The following EPHA5 variants were observed in gnomAD, a reference collection of about 807,000 sequenced individuals.
EPHA5 encodes the protein EPH receptor A5, also known as ephrin type-A receptor 5.
A neutral mutation model predicts 105.0 loss-of-function variants in EPHA5; 60 were observed. The observed-to-expected ratio is 0.57, with a 90% CI of 0.46 to 0.71. The LOEUF is 0.71. Ranked by LOEUF, EPHA5 falls within the 30% of genes least tolerant of loss-of-function variation. The pLI is 0.00. For synonymous variants in EPHA5, 513 were observed against 449.1 expected, an observed-to-expected ratio of 1.14 and a Z score of -1.80; for missense variants, 1,218 against 1,274.7, an observed-to-expected ratio of 0.96 and a Z score of 0.68.
chr4:65,343,918 A>T (rs760040105), intron 14 of EPHA5, among the ~76,000 whole-genome samples: 2 of 152,134 alleles, frequency 1.3e-5, no homozygotes, highest in Non-Finnish European at 2.9e-5. Flanking sequence ...TTTTCTAAGT[A>T]ATTTGAAATA....
chr4:65,617,466 C>T (rs1745341230), intron 2 of EPHA5, among the ~76,000 whole-genome samples: 1 of 152,046 alleles, frequency 6.6e-6, no homozygotes, highest in African/African-American at 2.4e-5. Context: ...ATGAAAATGC[C>T]AACAGCGATT....
In EPHA5 at chr4:65,414,433, G is replaced by C; in HGVS notation, c.1538C>G (p.Thr513Ser). ...TTTAGATTTGATAATCGTGTAGCTG[G>C]TCTCTTGGTCCTTGGGATGCGCATG... ...EIKYFEKDQE[T>S]SYTIIKSKET... The change falls in exon 7 of 17, where the codon ACC becomes AGC. Residue 513 changes from threonine to serine, a missense_variant. This residue lies in a region of EPHA5 where 971 missense variants were observed against 1,013.5 expected (regional missense o/e 0.96). Coordinates refer to ENST00000613740, the MANE Select transcript of EPHA5 (RefSeq NM_001281766.3). 6.2e-7 allele frequency: 1 copy of C among 1,613,812 alleles called. No individual in the cohort carries two copies. Among genetic ancestry groups the C allele is most frequent in the Middle Eastern group, 1.7e-4 (1 of 6,056 alleles).
intron 3 of EPHA5, among the ~76,000 whole-genome samples, chr4:65,587,669 C>T (rs976164306): frequency 2.0e-5 from 3 of 152,142 alleles, no homozygotes; most frequent in African/African-American, 7.2e-5. Context: ...AATTATAGGG[C>T]CTCTACTGTC....
intron 2 of EPHA5, among the ~76,000 whole-genome samples, chr4:65,642,418 C>T (rs1416184373): frequency 6.6e-6 from 1 of 151,808 alleles, no homozygotes; most frequent in Non-Finnish European, 1.5e-5. Context: ...CTGGGTTATG[C>T]AATGTTTTTG....
intron 11 of EPHA5, among the ~76,000 whole-genome samples, chr4:65,357,032 G>T (rs917701379): frequency 1.3e-5 from 2 of 151,398 alleles, no homozygotes; most frequent in African/African-American, 4.8e-5. Context: ...AATCACAGGG[G>T]AGAGTTTTTA....
intron 3 of EPHA5, among the ~76,000 whole-genome samples, chr4:65,560,311 A>C (rs1404765555): frequency 6.6e-6 from 1 of 152,142 alleles, no homozygotes; most frequent in East Asian, 1.9e-4. Context: ...CTAGTTTTCT[A>C]TAAAAAATTT....
At chr4:65,429,706 G>A (rs1377362996) in intron 5 of EPHA5, among the ~76,000 whole-genome samples, 1 of 151,950 alleles carries the variant, frequency 6.6e-6, no homozygotes, top group East Asian at 1.9e-4. Context: ...TCTATTGATT[G>A]TTTAAAGAAC....
At chr4:65,470,139 T>A (rs966389119) in intron 5 of EPHA5, among the ~76,000 whole-genome samples, 1 of 151,964 alleles carries the variant, frequency 6.6e-6, no homozygotes, top group South Asian at 2.1e-4. Context: ...AGGAACTTCA[T>A]CTCATGTGGC....
intron 5 of EPHA5, among the ~76,000 whole-genome samples, chr4:65,483,968 G>A (rs189061454): frequency 1.2e-3 from 187 of 152,216 alleles, no homozygotes; most frequent in African/African-American, 4.3e-3. Context: ...GAAAACATTA[G>A]CAGATTTAAC....
At chr4:65,531,014 T>A (rs1018511237) in intron 3 of EPHA5, among the ~76,000 whole-genome samples, 4 of 131,276 alleles carry the variant, frequency 3.0e-5, no homozygotes, top group South Asian at 2.4e-4. Flanking sequence ...TTATTTTTTT[T>A]ATTTTTTTTA....
intron 5 of EPHA5, among the ~76,000 whole-genome samples, chr4:65,473,245 C>T (rs1214813533): frequency 6.6e-6 from 1 of 152,198 alleles, no homozygotes; most frequent in Non-Finnish European, 1.5e-5. Context: ...CCTTCGTCTT[C>T]TGAGCCCTTC....
intron 8 of EPHA5, among the ~76,000 whole-genome samples, chr4:65,389,013 A>G (rs1393709640): frequency 6.6e-6 from 1 of 152,030 alleles, no homozygotes; most frequent in Admixed American, 6.6e-5. Flanking sequence ...ATTCATGCTA[A>G]TTTGATGATT....
At chr4:65,637,044 T>C (rs1747186666) in intron 2 of EPHA5, among the ~76,000 whole-genome samples, 2 of 151,966 alleles carry the variant, frequency 1.3e-5, no homozygotes, top group African/African-American at 4.8e-5. Context: ...TTAAAGTTAC[T>C]ATCATGAGGC....
chr4:65,576,042 GAAAGAAAGAAAGAAA>G (rs1740914482), intron 3 of EPHA5, among the ~76,000 whole-genome samples: 1 of 61,440 alleles, frequency 1.6e-5, no homozygotes, highest in African/African-American at 6.1e-5. Flanking sequence ...AAGAAAGAAA[GAAAGAAAGAAAGAAA>G]GAAAAGAAAA....
In EPHA5 at chr4:65,323,174, G is replaced by C. The variant is rs1008400733; in HGVS notation, c.*940C>G. 1 of 228,832 alleles carries C rather than the reference G, an allele frequency of 4.4e-6. No homozygotes were observed. Among genetic ancestry groups the C allele is most frequent in the Non-Finnish European group, 8.7e-6 (1 of 115,272 alleles). 14.2% of individuals were successfully genotyped at this position (228,832 alleles called of 1,614,324 possible). A position where few individuals can be genotyped will look rare whatever the true frequency, so the allele number is the denominator to read the frequency against. On this transcript the variant is annotated 3_prime_UTR_variant, in exon 17 of 17. Transcript: ENST00000613740. Reference sequence around the variant, plus strand: ...TTTTTAAAAAGCCAAAGGGGATTTAGTCTTATACACATTTCCTTTTAGTGA... The same window carrying C: ...TTTTTAAAAAGCCAAAGGGGATTTACTCTTATACACATTTCCTTTTAGTGA...
intron 3 of EPHA5, among the ~76,000 whole-genome samples, chr4:65,574,837 A>G (rs775441153): frequency 1.4e-4 from 21 of 150,216 alleles, no homozygotes; most frequent in Non-Finnish European, 2.7e-4. Context: ...TTCCATCACT[A>G]ATAAACTTTT....
intron 3 of EPHA5, among the ~76,000 whole-genome samples, chr4:65,497,858 G>A (rs1732096943): frequency 6.6e-6 from 1 of 151,960 alleles, no homozygotes; most frequent in Admixed American, 6.6e-5. Flanking sequence ...TTTTCAGCAG[G>A]TATAGTGGGC....
chr4:65,414,311 T>G lies in EPHA5; in HGVS notation c.1660A>C (p.Arg554=). 5 of 1,613,940 alleles carry G rather than the reference T, an allele frequency of 3.1e-6. No individual in the cohort carries two copies. Among genetic ancestry groups the G allele is most frequent in the Non-Finnish European group, 4.2e-6 (5 of 1,179,900 alleles). Residue 554 remains arginine, a synonymous_variant, in exon 7 of 17, where the codon AGA becomes CGA. Coordinates refer to ENST00000613740, the MANE Select transcript of EPHA5 (RefSeq NM_001281766.3). ...TAAGYGVFSR[R]FEFETTPVSV... is the part of the protein sequence containing the mutation. ...ACTGGGGTGGTTTCAAACTCAAATC[T>G]TCGACTGAAGACACCATAGCCTGCT...
In EPHA5 at chr4:65,421,387, T is replaced by G. The variant is rs1370799746; in HGVS notation, c.1403-822A>C. On this transcript the variant is annotated intron_variant, in intron 5 of 16. Transcript: ENST00000613740. ...GTAATCTATGGGCCTCCTAGTTCACTGTAGTGTTTATTGAAAAGTACTAAC... is the reference window on the plus strand; with the variant it reads ...GTAATCTATGGGCCTCCTAGTTCACGGTAGTGTTTATTGAAAAGTACTAAC... Among the ~76,000 whole-genome samples the G allele has an allele frequency of 2.6e-5, 4 of 152,132 alleles. No homozygotes were observed. The East Asian group carries it at 5.8e-4, about 22-fold the overall frequency.
Sources: gnomAD v4.1 joint callset for allele counts (sites outside exome capture counted in the v4.1 genomes callset) on GRCh38, gnomAD v4.1.1 for gene constraint, gnomAD v4.1.1 regional missense constraint, MANE v1.5 for transcripts, NCBI Gene and HGNC (gene_info 2026-07-23, HGNC 2026-07-21) for gene names.